Variants in SPRED2 observed in about 807,000 individuals in gnomAD.
SPRED2 encodes sprouty-related, EVH1 domain-containing protein 2.
SPRED2 carries 47 observed loss-of-function variants against 43.0 expected under a neutral mutation model. The observed-to-expected ratio is 1.09, with a 90% CI of 0.87 to 1.40. The LOEUF (loss-of-function observed/expected upper bound fraction) is 1.40, where lower values mean the gene tolerates loss of function less well. Among genes scored for constraint, SPRED2 ranks in the 40% most tolerant of loss-of-function variants. SPRED2 has a pLI of 0.00. For missense variants in SPRED2, 561 were observed against 586.4 expected (o/e 0.96, Z 0.45); for synonymous variants, 225 against 225.7 (o/e 1.00, Z 0.03).
intron 4 of SPRED2, among the ~76,000 whole-genome samples, chr2:65,323,515 C>A (rs1165228152): frequency 6.6e-6 from 1 of 150,868 alleles, no homozygotes; most frequent in Non-Finnish European, 1.5e-5. Context: ...GCACTGCCAA[C>A]ATTTAAAAAA....
chr2:65,393,326 C>CTTTTTTTTTTTTTTTTTTT (rs55696467), intron 1 of SPRED2, among the ~76,000 whole-genome samples: 1 of 141,692 alleles, frequency 7.1e-6, no homozygotes, highest in Non-Finnish European at 1.5e-5. Context: ...AATCATAAGG[C>CTTTTTTTTTTTTTTTTTTT]TTTTTTTTTT....
chr2:65,307,215 A>G (rs1672959667), downstream of SPRED2, among the ~76,000 whole-genome samples: 1 of 152,144 alleles, frequency 6.6e-6, no homozygotes, highest in African/African-American at 2.4e-5. Flanking sequence ...ATTTATTTAG[A>G]GACAGAGTCT....
chr2:65,367,473 A>T (rs1272523805), intron 1 of SPRED2, among the ~76,000 whole-genome samples: 1 of 137,068 alleles, frequency 7.3e-6, no homozygotes, highest in Non-Finnish European at 1.6e-5. Flanking sequence ...TTTAAAAATT[A>T]AAAAAAATTT....
intron 1 of SPRED2, among the ~76,000 whole-genome samples, chr2:65,397,093 G>C (rs1675775552): frequency 6.6e-6 from 1 of 152,034 alleles, no homozygotes; most frequent in Admixed American, 6.6e-5. Context: ...TTCAGTCATA[G>C]CCATCAGAAA....
At chr2:65,367,292 A>G (rs1675001729) in intron 1 of SPRED2, among the ~76,000 whole-genome samples, 1 of 152,166 alleles carries the variant, frequency 6.6e-6, no homozygotes, top group Non-Finnish European at 1.5e-5. Context: ...GGGTAAAATG[A>G]TATGATATCT....
intron 1 of SPRED2, among the ~76,000 whole-genome samples, chr2:65,356,404 G>A (rs1351821896): frequency 6.6e-6 from 1 of 152,080 alleles, no homozygotes; most frequent in East Asian, 1.9e-4. Flanking sequence ...TTGGGAGAGT[G>A]AGAGATTTGT....
intron 1 of SPRED2, among the ~76,000 whole-genome samples, chr2:65,347,097 C>CCAG (rs1674372016): frequency 2.0e-5 from 3 of 152,138 alleles, no homozygotes; most frequent in African/African-American, 7.2e-5. Flanking sequence ...TCTCCGACCA[C>CCAG]CTCGTAAGTT....
At chr2:65,326,746 T>A (rs1173372552) in intron 4 of SPRED2, among the ~76,000 whole-genome samples, 1 of 152,088 alleles carries the variant, frequency 6.6e-6, no homozygotes, top group East Asian at 1.9e-4. Flanking sequence ...TCAAGTGATC[T>A]TCCCGCCTCG....
intron 1 of SPRED2, among the ~76,000 whole-genome samples, chr2:65,376,081 C>A (rs1675229957): frequency 6.6e-6 from 1 of 152,194 alleles, no homozygotes; most frequent in Non-Finnish European, 1.5e-5. Context: ...CTCTTGTGCT[C>A]CCTATCCTCC....
intron 1 of SPRED2, among the ~76,000 whole-genome samples, chr2:65,395,409 G>A (rs993900199): frequency 5.9e-5 from 9 of 152,040 alleles, no homozygotes; most frequent in South Asian, 2.1e-4. Flanking sequence ...AGTACCCTAC[G>A]CAGTGGAAGT....
At chr2:65,420,761 G>C (rs1676403262) in intron 1 of SPRED2, among the ~76,000 whole-genome samples, 2 of 152,044 alleles carry the variant, frequency 1.3e-5, no homozygotes, top group African/African-American at 4.8e-5. Context: ...AGGCACGTGG[G>C]GATTCCTGAT....
intron 2 of SPRED2, among the ~76,000 whole-genome samples, chr2:65,335,660 T>G (rs1412261794): frequency 6.6e-6 from 1 of 152,266 alleles, no homozygotes; most frequent in Non-Finnish European, 1.5e-5. Context: ...CAAACTATTC[T>G]TTAACAGTTT....
chr2:65,340,771 A>G (rs1443052747), intron 2 of SPRED2, among the ~76,000 whole-genome samples: 1 of 152,222 alleles, frequency 6.6e-6, no homozygotes, highest in Non-Finnish European at 1.5e-5. Context: ...TGTGCACTAC[A>G]TTGTAAAAAC....
In SPRED2 at chr2:65,432,021, G is replaced by A. The variant is rs774317241; in HGVS notation, c.-34C>T. 6.2e-7 allele frequency: 1 copy of A among 1,613,652 alleles called. No individual in the cohort carries two copies. The highest frequency in any genetic ancestry group is 1.1e-5 in the South Asian group (1 of 91,080). ...TCACCTAGACGCCTGTCCCGCGGCG[G>A]GCAGCTTTGCTCCCTTCATCTTCCT... On this transcript the variant is annotated 5_prime_UTR_variant, in exon 1 of 6. Transcript: ENST00000356388.
intron 4 of SPRED2, among the ~76,000 whole-genome samples, chr2:65,318,964 A>G (rs969922079): frequency 2.0e-5 from 3 of 152,176 alleles, no homozygotes; most frequent in Admixed American, 1.3e-4. Context: ...ATCACTTTAC[A>G]TGTTTTTGTT....
chr2:65,409,901 G>T (rs372546822), intron 1 of SPRED2, among the ~76,000 whole-genome samples: 1 of 151,698 alleles, frequency 6.6e-6, no homozygotes, highest in Non-Finnish European at 1.5e-5. Context: ...GTGGTGGCGC[G>T]TGCCTGTAGT....
chr2:65,401,287 T>C (rs1675880180), intron 1 of SPRED2, among the ~76,000 whole-genome samples: 1 of 151,830 alleles, frequency 6.6e-6, no homozygotes, highest in Non-Finnish European at 1.5e-5. Flanking sequence ...CTTATTTCCA[T>C]TTTACAGTTT....
intron 2 of SPRED2, among the ~76,000 whole-genome samples, chr2:65,337,076 C>G (rs1391713035): frequency 1.3e-5 from 2 of 152,032 alleles, no homozygotes; most frequent in African/African-American, 4.8e-5. Context: ...CCACTGCAGT[C>G]CAGCCTGGGC....
intron 5 of SPRED2, among the ~76,000 whole-genome samples, chr2:65,315,410 A>T (rs907861254): frequency 6.6e-6 from 1 of 152,158 alleles, no homozygotes; most frequent in Non-Finnish European, 1.5e-5. Flanking sequence ...TCATATTGTT[A>T]CGGACTTGAT....
Sources: allele counts gnomAD v4.1 joint callset (sites outside exome capture counted in the v4.1 genomes callset), GRCh38; gene constraint gnomAD v4.1.1; transcripts MANE v1.5; gene names NCBI Gene and HGNC (gene_info 2026-07-23, HGNC 2026-07-21).